TRAT1: variants seen among roughly 807,000 people sequenced by gnomAD.
TRAT1 encodes T-cell receptor-associated transmembrane adapter 1.
Under a neutral mutation model 20.0 loss-of-function variants are expected in TRAT1, and 20 were observed. That is an observed-to-expected ratio of 1.00 (90% CI 0.70 to 1.45). TRAT1 has a LOEUF of 1.45. TRAT1 is among the 40% of genes most tolerant of loss of function. The probability of loss-of-function intolerance (pLI) is 0.00; values close to 1 mark genes in which losing one functional copy is unlikely to be tolerated. For synonymous variants in TRAT1, 77 were observed against 74.2 expected (o/e 1.04, Z -0.20); for missense variants, 237 against 224.1 (o/e 1.06, Z -0.37).
intron 2 of TRAT1, among the ~76,000 whole-genome samples, chr3:108,835,199 T>C (rs1187446525): frequency 6.6e-6 from 1 of 152,088 alleles, no homozygotes; most frequent in African/African-American, 2.4e-5. Flanking sequence ...GGGTTAACAC[T>C]CTAAGAGGAA....
chr3:108,825,427 A>T (rs34161784), intron 1 of TRAT1, among the ~76,000 whole-genome samples: 79,039 of 150,302 alleles, frequency 0.53, 22,075 homozygotes, highest in Middle Eastern at 0.68. Context: ...CATTTTTTTT[A>T]AAAAAAAGGA....
At position 108,830,722 on chromosome 3, in the gene TRAT1, G is replaced by C. The variant is rs1318732968; in HGVS notation, c.60G>C (p.Leu20Phe). 1 of 1,613,980 alleles carries C rather than the reference G, an allele frequency of 6.2e-7. No individual in the cohort carries two copies. Among genetic ancestry groups the C allele is most frequent in the Non-Finnish European group, 8.5e-7 (1 of 1,179,894 alleles). ...GGGGACTTCTAGCATTGTTGGGCTT[G>C]GCTTTGGTTATATCACTGATCTTCA... ...FLWGLLALLG[L>F]ALVISLIFNI... Residue 20 changes from leucine to phenylalanine, a missense_variant, in exon 2 of 6, where the codon TTG becomes TTC. By Grantham distance (22) the Leu-to-Phe change is conservative (BLOSUM62 0). Coordinates refer to ENST00000295756, the MANE Select transcript of TRAT1 (RefSeq NM_016388.4).
intron 2 of TRAT1, among the ~76,000 whole-genome samples, chr3:108,836,774 C>G (rs1945845951): frequency 6.6e-6 from 1 of 152,174 alleles, no homozygotes; most frequent in African/African-American, 2.4e-5. Context: ...AATTGAGCAC[C>G]AGAGCTTTAA....
At chr3:108,827,672 A>G (rs1222009878) in intron 1 of TRAT1, among the ~76,000 whole-genome samples, 1 of 152,162 alleles carries the variant, frequency 6.6e-6, no homozygotes, top group Admixed American at 6.6e-5. Context: ...CTAAAAGCAG[A>G]GGAAACCAGA....
chr3:108,843,199 G>A (rs1945910707), intron 3 of TRAT1, among the ~76,000 whole-genome samples: 1 of 152,090 alleles, frequency 6.6e-6, no homozygotes, highest in Admixed American at 6.6e-5. Context: ...TAAACAGACT[G>A]TATTGTTTAT....
At chr3:108,835,741 T>C (rs1172669865) in intron 2 of TRAT1, among the ~76,000 whole-genome samples, 1 of 152,106 alleles carries the variant, frequency 6.6e-6, no homozygotes, top group African/African-American at 2.4e-5. Context: ...TTAGTCCCTT[T>C]CCTTCCATCT....
rs138114030 is a variant in TRAT1 at position 108,848,683 on chromosome 3, T to C, written c.215-483T>C. Among the ~76,000 whole-genome samples the C allele has an allele frequency of 2.6e-5, 4 of 152,310 alleles. No homozygotes were observed. In the East Asian group the frequency reaches 7.7e-4, roughly 29 times the overall value. On this transcript the variant is annotated intron_variant, in intron 4 of 5. Transcript: ENST00000295756. ...ACAAAAGTCATAATATAAACCCTCT[T>C]TTTCAAAATTAAGATGTGGGACTTA...
rs543621497 is a variant in TRAT1, at chr3:108,836,187, G to A, written c.119-2747G>A. Among the ~76,000 whole-genome samples the A allele has an allele frequency of 1.4e-3, 210 of 152,152 alleles. 1 individual carries two copies. Among genetic ancestry groups the A allele is most frequent in the Middle Eastern group, 0.014 (4 of 294 alleles). ...CCCACCTTGGCCTCCCAAAGTGCTGGGATTACAGGCATGAGCCACCGTGCC... is the reference window on the plus strand; with the variant it reads ...CCCACCTTGGCCTCCCAAAGTGCTGAGATTACAGGCATGAGCCACCGTGCC... On this transcript the variant is annotated intron_variant, in intron 2 of 5. Coordinates refer to ENST00000295756, the MANE Select transcript of TRAT1 (RefSeq NM_016388.4).
chr3:108,830,807 GGT>G, intron 2 of TRAT1, 27 bp downstream of exon 2: 1 of 1,454,524 alleles, frequency 6.9e-7, no homozygotes, highest in Non-Finnish European at 9.7e-7. Context: ...AATTTCACAT[GGT>G]ACCTGCTTGA....
At chr3:108,842,395 C>G (rs1472432657) in intron 3 of TRAT1, among the ~76,000 whole-genome samples, 2 of 152,184 alleles carry the variant, frequency 1.3e-5, no homozygotes, top group Non-Finnish European at 2.9e-5. Context: ...CACCCATTCT[C>G]AAGGTTGAGA....
intron 3 of TRAT1, among the ~76,000 whole-genome samples, chr3:108,845,885 T>C (rs1376878759): frequency 1.3e-5 from 2 of 152,190 alleles, no homozygotes; most frequent in African/African-American, 4.8e-5. Flanking sequence ...ATGACATTGG[T>C]AGAATGACAG....
chr3:108,846,954 G>A (rs1169744795), intron 3 of TRAT1, 114 bp from the exon 4 acceptor site: 48 of 730,644 alleles, frequency 6.6e-5, no homozygotes, highest in Non-Finnish European at 1.0e-4. Flanking sequence ...TGGTTGGCTG[G>A]GGGTAACCAA....
At position 108,846,942 on chromosome 3, in the gene TRAT1, C is replaced by T. The variant is rs1945952219; in HGVS notation, c.153-126C>T. Reference sequence around the variant, plus strand: ...CTCACTTGCACAAGAACACACCTACCGTGGTTGGCTGGGGGTAACCAAGAA... The same window carrying T: ...CTCACTTGCACAAGAACACACCTACTGTGGTTGGCTGGGGGTAACCAAGAA... On this transcript the variant is annotated intron_variant, in intron 3 of 5. Coordinates refer to ENST00000295756, the MANE Select transcript of TRAT1 (RefSeq NM_016388.4). 9 of 653,122 alleles carry T rather than the reference C, an allele frequency of 1.4e-5. 1 individual carries two copies. The highest frequency in any genetic ancestry group is 5.6e-5 in the Admixed American group (2 of 35,716). The allele number at this position is 653,122 out of a possible 1,614,324, so 40.5% of individuals were successfully genotyped here.
Position 108,849,185 on chromosome 3 carries a change from C to G in TRAT1, c.234C>G (p.Cys78Trp). The G allele has an allele frequency of 6.2e-7, 1 of 1,612,460 alleles. No homozygotes were observed. The highest frequency in any genetic ancestry group is 2.2e-5 in the East Asian group (1 of 44,864). Residue 78 changes from cysteine (C) to tryptophan (W), a missense_variant, in exon 5 of 6, where the codon TGC (cysteine) becomes TGG (tryptophan). Coordinates refer to ENST00000295756, the MANE Select transcript of TRAT1 (RefSeq NM_016388.4). ...CCCAAGAACCAATGGATGAAAATTG[C>G]TATGAACAAATGAAAGCCCGACCAG... The part of the protein sequence containing the change: ...DMISEPMDEN[C>W]YEQMKARPEK...
At chr3:108,847,546 A>G (rs1233982499) in intron 4 of TRAT1, among the ~76,000 whole-genome samples, 2 of 152,208 alleles carry the variant, frequency 1.3e-5, no homozygotes, top group African/African-American at 2.4e-5. Context: ...TTGGTTTCTC[A>G]TATTCTAAAT....
chr3:108,851,628 TA>T lies in TRAT1; in HGVS notation c.304-1978del, dbSNP rs33945029. ...CAATATGTGAAAGTCCCTCCAATATTAAAAAAAAAAAAAACACCTTACTTGA... is the reference window on the plus strand; with the variant it reads ...CAATATGTGAAAGTCCCTCCAATATTAAAAAAAAAAAAACACCTTACTTGA... On this transcript the variant is annotated intron_variant, in intron 5 of 5. Transcript: ENST00000295756. 8.0e-3 allele frequency among the ~76,000 whole-genome samples: 1,172 copies of T among 146,306 alleles called. 14 individuals carry two copies. Among genetic ancestry groups the T allele is most frequent in the African/African-American group, 0.024 (952 of 40,036 alleles).
At position 108,854,368 on chromosome 3, in the gene TRAT1, A is replaced by G. The variant is rs1292992408; in HGVS notation, c.*491A>G. ...GATTGAAAGGTATAGGAAACATTAA[A>G]ATGCATTACTAAGAGAAGTAATATA... On this transcript the variant is annotated 3_prime_UTR_variant, in exon 6 of 6. Coordinates refer to ENST00000295756, the MANE Select transcript of TRAT1 (RefSeq NM_016388.4). 1 of 152,594 alleles carries G rather than the reference A, an allele frequency of 6.6e-6. No individual in the cohort carries two copies. The highest frequency in any genetic ancestry group is 1.9e-4 in the East Asian group (1 of 5,204). 9.5% of individuals were successfully genotyped at this position (152,594 alleles called of 1,614,324 possible).
chr3:108,828,809 G>A (rs191582124), intron 1 of TRAT1, among the ~76,000 whole-genome samples: 27 of 152,280 alleles, frequency 1.8e-4, no homozygotes, highest in African/African-American at 6.0e-4. Context: ...CCATTTTAGG[G>A]CAGATTGTAT....
intron 2 of TRAT1, among the ~76,000 whole-genome samples, chr3:108,833,799 T>TACACACACACACACACAC (rs3054303): frequency 5.9e-4 from 86 of 146,742 alleles, no homozygotes; most frequent in African/African-American, 2.1e-3. Flanking sequence ...TTGTAAGAAT[T>TACACACACACACACACAC]ACACACACAC....
Sources: allele counts gnomAD v4.1 joint callset (sites outside exome capture counted in the v4.1 genomes callset), GRCh38; gene constraint gnomAD v4.1.1; transcripts MANE v1.5; gene names NCBI Gene and HGNC (gene_info 2026-07-23, HGNC 2026-07-21).